Variants in ADARB2 observed in about 807,000 individuals in gnomAD.
ADARB2 encodes the protein adenosine deaminase RNA specific B2 (inactive), also known as inactive double-stranded RNA-specific editase B2.
ADARB2 carries 25 observed loss-of-function variants against 62.2 expected under a neutral mutation model. That is an observed-to-expected ratio of 0.40 (90% CI 0.29 to 0.56). ADARB2 has a LOEUF of 0.56. ADARB2 is among the 20% of genes least tolerant of loss of function. The pLI is 0.43. For synonymous variants in ADARB2, 572 were observed against 500.8 expected (o/e 1.14, Z -1.90); for missense variants, 1,071 against 1,077.4 (o/e 0.99, Z 0.08).
intron 3 of ADARB2, among the ~76,000 whole-genome samples, chr10:1,333,701 G>C (rs1831948943): frequency 6.6e-6 from 1 of 152,184 alleles, no homozygotes; most frequent in Non-Finnish European, 1.5e-5. Flanking sequence ...AGACCTCAAA[G>C]TCCAATAAAA....
rs963492180 is a variant in ADARB2 at position 1,500,920 on chromosome 10, C to A, written c.101-121760G>T. 2.0e-5 allele frequency among the ~76,000 whole-genome samples: 3 copies of A among 152,312 alleles called. No individual in the cohort carries two copies. In the East Asian group the frequency reaches 5.8e-4, roughly 29 times the overall value. ...GAAAGAGTCTTGCTCTGTCTCCCAG[C>A]CTGGAGTGCAGAAGCCCAATCTGTG... On this transcript the variant is annotated intron_variant, in intron 1 of 9. Transcript: ENST00000381312.
chr10:1,418,334 G>A (rs1363957769), intron 1 of ADARB2, among the ~76,000 whole-genome samples: 1 of 152,180 alleles, frequency 6.6e-6, no homozygotes, highest in Non-Finnish European at 1.5e-5. Context: ...GATGCAGCGG[G>A]GACCTGCCCT....
intron 1 of ADARB2, among the ~76,000 whole-genome samples, chr10:1,677,760 C>G (rs1251234612): frequency 1.3e-5 from 2 of 152,168 alleles, no homozygotes; most frequent in Non-Finnish European, 2.9e-5. Flanking sequence ...CCTGCACCTG[C>G]CCTGGTCGCA....
intron 1 of ADARB2, among the ~76,000 whole-genome samples, chr10:1,469,034 G>A (rs1414935953): frequency 3.3e-5 from 5 of 152,152 alleles, no homozygotes; most frequent in South Asian, 2.1e-4. Context: ...ACACAGCAAC[G>A]CTTTCTCGCT....
At position 1,479,408 on chromosome 10, in the gene ADARB2, C is replaced by T. The variant is rs187528190; in HGVS notation, c.101-100248G>A. ...CTTTCAGACCCTCGGCCTCACACGG[C>T]GGGTTTGTGTGGCTTCAGGGCCCGG... On this transcript the variant is annotated intron_variant, in intron 1 of 9. Coordinates refer to ENST00000381312, the MANE Select transcript of ADARB2 (RefSeq NM_018702.4). Among the ~76,000 whole-genome samples, 91 of 152,228 alleles carry T rather than the reference C, an allele frequency of 6.0e-4. 1 individual carries two copies. The highest frequency in any genetic ancestry group is 1.9e-3 in the African/African-American group (77 of 41,522).
intron 1 of ADARB2, among the ~76,000 whole-genome samples, chr10:1,473,024 G>A (rs981136996): frequency 3.9e-5 from 6 of 152,320 alleles, no homozygotes; most frequent in Non-Finnish European, 8.8e-5. Context: ...GTGGGCTCAG[G>A]CGTGCACATG....
At chr10:1,526,818 G>C in intron 1 of ADARB2, 1 of 516,930 alleles carries the variant, frequency 1.9e-6, no homozygotes, top group Middle Eastern at 3.2e-4. Flanking sequence ...CCTGACTCAC[G>C]CACTTGGTGC....
chr10:1,208,952 CAGGTG>C (rs1372632744), intron 7 of ADARB2, among the ~76,000 whole-genome samples: 1 of 152,166 alleles, frequency 6.6e-6, no homozygotes, highest in East Asian at 1.9e-4. Context: ...GGCACTGAGG[CAGGTG>C]GGGTGGGGGT....
chr10:1,340,213 G>A (rs56391486), intron 3 of ADARB2, among the ~76,000 whole-genome samples: 51 of 106,472 alleles, frequency 4.8e-4, no homozygotes, highest in African/African-American at 8.6e-4. Flanking sequence ...AGAACCACGC[G>A]CCCCACAGCG....
At chr10:1,215,341 C>T (rs1475727922) in intron 7 of ADARB2, among the ~76,000 whole-genome samples, 4 of 152,216 alleles carry the variant, frequency 2.6e-5, no homozygotes, top group Non-Finnish European at 5.9e-5. Context: ...TGCGCACCCT[C>T]TCCCTTCTCT....
chr10:1,411,683 G>A (rs34510805), intron 1 of ADARB2, among the ~76,000 whole-genome samples: 45,497 of 151,898 alleles, frequency 0.3, 7,716 homozygotes, highest in Non-Finnish European at 0.38. Context: ...ACAGTGTGTC[G>A]GGTGTGAGCT....
intron 1 of ADARB2, among the ~76,000 whole-genome samples, chr10:1,506,746 CCCCAA>C (rs1831857578): frequency 6.6e-6 from 1 of 152,190 alleles, no homozygotes; most frequent in Non-Finnish European, 1.5e-5. Flanking sequence ...CTGTGGGGTC[CCCCAA>C]ATTCCTATGT....
At chr10:1,220,041 AATGGTG>A (rs1564225132) in intron 6 of ADARB2, among the ~76,000 whole-genome samples, 4 of 60,240 alleles carry the variant, frequency 6.6e-5, no homozygotes, top group Admixed American at 3.1e-4. Flanking sequence ...TGATGATGGT[AATGGTG>A]ATGGTGGTGG....
intron 1 of ADARB2, chr10:1,526,790 G>C (rs761065169): frequency 4.0e-5 from 20 of 504,338 alleles, no homozygotes. Flanking sequence ...AGCTGTTCCC[G>C]CCTCCTCCTG....
intron 1 of ADARB2, among the ~76,000 whole-genome samples, chr10:1,659,893 G>A: frequency 7.0e-6 from 1 of 142,524 alleles, no homozygotes; most frequent in Non-Finnish European, 1.5e-5. Flanking sequence ...TGTCCTGTGA[G>A]ACTCCGGGGC....
chr10:1,642,179 A>G (rs1459167277), intron 1 of ADARB2, among the ~76,000 whole-genome samples: 1 of 150,216 alleles, frequency 6.7e-6, no homozygotes, highest in African/African-American at 2.5e-5. Context: ...AGAAATCAAA[A>G]CCAGAACTTG....
chr10:1,400,088 T>C (rs1432989636), intron 1 of ADARB2, among the ~76,000 whole-genome samples: 1 of 152,144 alleles, frequency 6.6e-6, no homozygotes, highest in African/African-American at 2.4e-5. Context: ...GCAGATGGAA[T>C]GGGGTGTGTG....
At chr10:1,279,872 A>G (rs1398007477) in intron 3 of ADARB2, among the ~76,000 whole-genome samples, 2 of 152,092 alleles carry the variant, frequency 1.3e-5, no homozygotes, top group South Asian at 2.1e-4. Context: ...AGGGTGGGCA[A>G]ATTGCACCCC....
At chr10:1,324,693 T>C (rs7908181) in intron 3 of ADARB2, among the ~76,000 whole-genome samples, 34,872 of 152,046 alleles carry the variant, frequency 0.23, 4,867 homozygotes, top group Middle Eastern at 0.37. Context: ...ATTATAGAAA[T>C]GGAGAACAGA....
Sources: gnomAD v4.1 joint callset for allele counts (sites outside exome capture counted in the v4.1 genomes callset) on GRCh38, gnomAD v4.1.1 for gene constraint, MANE v1.5 for transcripts, NCBI Gene and HGNC (gene_info 2026-07-23, HGNC 2026-07-21) for gene names.